The following PITPNB variants were observed in gnomAD, a reference collection of about 807,000 sequenced individuals.
PITPNB encodes phosphatidylinositol transfer protein beta isoform.
In PITPNB, 16 loss-of-function variants were observed where a neutral mutation model predicts 45.9. The ratio of observed to expected loss-of-function variants is 0.35; its 90% CI spans 0.24 to 0.53. The LOEUF (loss-of-function observed/expected upper bound fraction) is 0.53. Ranked by LOEUF, PITPNB falls within the 20% of genes least tolerant of loss-of-function variation. The pLI is 0.93. For synonymous variants in PITPNB, 112 were observed against 108.9 expected (o/e 1.03, Z -0.18); for missense variants, 188 against 330.5 (o/e 0.57, Z 3.34).
intron 7 of PITPNB, among the ~76,000 whole-genome samples, chr22:27,885,412 G>A (rs1237049239): frequency 1.3e-5 from 2 of 152,116 alleles, no homozygotes; most frequent in Non-Finnish European, 2.9e-5. Flanking sequence ...AACTTACACT[G>A]TGGTGTTTTA....
At chr22:27,907,082 TTA>T (rs1044365452) in intron 3 of PITPNB, among the ~76,000 whole-genome samples, 1 of 152,198 alleles carries the variant, frequency 6.6e-6, no homozygotes, top group Non-Finnish European at 1.5e-5. Flanking sequence ...TTTATTGATG[TTA>T]TATAGTGACG....
chr22:27,908,873 C>G (rs950985431), intron 3 of PITPNB, among the ~76,000 whole-genome samples: 6 of 151,976 alleles, frequency 3.9e-5, no homozygotes, highest in Admixed American at 6.6e-5. Context: ...AAACCAGCAA[C>G]AGAAGCAAAG....
intron 7 of PITPNB, 62 bp downstream of exon 7, chr22:27,894,493 T>G: frequency 1.1e-6 from 1 of 882,318 alleles, no homozygotes; most frequent in South Asian, 1.4e-5. Context: ...CCAAATGTGA[T>G]AGTAGAAAAT....
At chr22:27,860,868 C>T (rs1486809122) in intron 8 of PITPNB, among the ~76,000 whole-genome samples, 1 of 151,872 alleles carries the variant, frequency 6.6e-6, no homozygotes, top group East Asian at 1.9e-4. Context: ...TTCTGGTAAA[C>T]AAGGGAAAAT....
rs141630152 is a variant in PITPNB at position 27,917,836 on chromosome 22, G to A, written c.20+1336C>T. On this transcript the variant is annotated intron_variant, in intron 1 of 11. Coordinates refer to ENST00000335272, the MANE Select transcript of PITPNB (RefSeq NM_012399.5). ...CATGTTGGATGGTGATAAGTACTATGGAGACCGATAAAGCAGGGAAGACAA... is the reference window on the plus strand; with the variant it reads ...CATGTTGGATGGTGATAAGTACTATAGAGACCGATAAAGCAGGGAAGACAA... 7.2e-5 allele frequency among the ~76,000 whole-genome samples: 11 copies of A among 152,258 alleles called. No homozygotes were observed. In the East Asian group the frequency reaches 2.1e-3, roughly 29 times the overall value.
At chr22:27,861,380 C>G (rs73166732) in intron 8 of PITPNB, among the ~76,000 whole-genome samples, 1 of 152,108 alleles carries the variant, frequency 6.6e-6, no homozygotes, top group Admixed American at 6.6e-5. Context: ...TTGATGATTT[C>G]TGTGAGTCTT....
Position 27,910,950 on chromosome 22 carries a change from T to C in PITPNB, c.197+14A>G, listed in dbSNP as rs367800593. ...CCAGGTAGTTACAAGGCGTCAAATG[T>C]GAACACCGCTTACCTCTTTAGGTGA... On this transcript the variant is annotated intron_variant, in intron 3 of 11. Coordinates refer to ENST00000335272, the MANE Select transcript of PITPNB (RefSeq NM_012399.5). 17 of 1,608,282 alleles carry C rather than the reference T, an allele frequency of 1.1e-5. No homozygotes were observed. The highest frequency in any genetic ancestry group is 4.0e-5 in the African/African-American group (3 of 74,956).
chr22:27,855,484 T>G (rs1569001810), intron 10 of PITPNB, among the ~76,000 whole-genome samples: 1 of 152,180 alleles, frequency 6.6e-6, no homozygotes, highest in African/African-American at 2.4e-5. Flanking sequence ...ACAGATGTAT[T>G]AGAAAGGACA....
At chr22:27,918,439 AG>A (rs1936151796) in intron 1 of PITPNB, among the ~76,000 whole-genome samples, 1 of 152,230 alleles carries the variant, frequency 6.6e-6, no homozygotes, top group Admixed American at 6.5e-5. Context: ...CCTTGCCAGT[AG>A]GAAAAGCCGT....
chr22:27,880,577 T>C (rs1405602228), intron 7 of PITPNB, among the ~76,000 whole-genome samples: 1 of 151,850 alleles, frequency 6.6e-6, no homozygotes, highest in Non-Finnish European at 1.5e-5. Flanking sequence ...AAATTAATAA[T>C]GGTTTCTAGT....
At chr22:27,876,372 TCTC>T (rs1934820263) in intron 7 of PITPNB, among the ~76,000 whole-genome samples, 1 of 152,240 alleles carries the variant, frequency 6.6e-6, no homozygotes, top group Non-Finnish European at 1.5e-5. Flanking sequence ...CTCTGCTTTT[TCTC>T]CTCTTGAATA....
intron 4 of PITPNB, among the ~76,000 whole-genome samples, chr22:27,897,381 A>G (rs1323045683): frequency 6.6e-6 from 1 of 152,264 alleles, no homozygotes; most frequent in Non-Finnish European, 1.5e-5. Context: ...GCTAAAAAGA[A>G]TAATAATGTC....
chr22:27,856,357 A>C (rs1934172318), intron 10 of PITPNB, among the ~76,000 whole-genome samples: 2 of 152,356 alleles, frequency 1.3e-5, no homozygotes, highest in South Asian at 4.1e-4. Flanking sequence ...TGCATGGAGC[A>C]GCAGCTGCAC....
chr22:27,902,209 G>A (rs1371742426), intron 3 of PITPNB, among the ~76,000 whole-genome samples: 1 of 152,046 alleles, frequency 6.6e-6, no homozygotes, highest in Non-Finnish European at 1.5e-5. Flanking sequence ...GTGATCCAAG[G>A]GTACGGAGGC....
At chr22:27,859,331 T>C (rs1934253242) in intron 9 of PITPNB, among the ~76,000 whole-genome samples, 1 of 152,224 alleles carries the variant, frequency 6.6e-6, no homozygotes, top group African/African-American at 2.4e-5. Flanking sequence ...TTTGAGATCC[T>C]TGTCTTATAA....
chr22:27,911,953 C>A (rs982930696), intron 2 of PITPNB, among the ~76,000 whole-genome samples: 1 of 152,160 alleles, frequency 6.6e-6, no homozygotes, highest in African/African-American at 2.4e-5. Flanking sequence ...CTAGTTCCAA[C>A]AAATGTTGGA....
At chr22:27,858,295 C>T (rs9625344) in intron 10 of PITPNB, 92 bp downstream of exon 10, 32,733 of 1,004,776 alleles carry the variant, frequency 0.033, 1,069 homozygotes, top group South Asian at 0.11. Flanking sequence ...TTTAACAACA[C>T]TCTTCCTAAT....
chr22:27,898,844 G>C (rs527675839), intron 3 of PITPNB, among the ~76,000 whole-genome samples: 1 of 152,032 alleles, frequency 6.6e-6, no homozygotes, highest in Admixed American at 6.6e-5. Context: ...ACATATAAAG[G>C]GGCAAAAGTC....
At chr22:27,866,063 TAC>T (rs1454493591) in intron 8 of PITPNB, among the ~76,000 whole-genome samples, 1 of 152,220 alleles carries the variant, frequency 6.6e-6, no homozygotes, top group Admixed American at 6.5e-5. Context: ...AATTGAGTTT[TAC>T]ATAAAGCATG....
Sources: gnomAD v4.1 joint callset for allele counts (sites outside exome capture counted in the v4.1 genomes callset) on GRCh38, gnomAD v4.1.1 for gene constraint, MANE v1.5 for transcripts, NCBI Gene and HGNC (gene_info 2026-07-23, HGNC 2026-07-21) for gene names.